CCDC3: variants seen among roughly 807,000 people sequenced by gnomAD.
CCDC3 encodes coiled-coil domain-containing protein 3.
A neutral mutation model predicts 21.4 loss-of-function variants in CCDC3; 24 were observed. The ratio of observed to expected loss-of-function variants is 1.12; its 90% CI spans 0.81 to 1.58. CCDC3 has a LOEUF of 1.58. Among genes scored for constraint, CCDC3 ranks in the 40% most tolerant of loss-of-function variants. The pLI is 0.00. For synonymous variants in CCDC3, 186 were observed against 166.0 expected, an observed-to-expected ratio of 1.12 and a Z score of -0.93; for missense variants, 425 against 360.9, an observed-to-expected ratio of 1.18 and a Z score of -1.44.
intron 5 of CCDC3, among the ~76,000 whole-genome samples, chr10:13,026,181 AAAAT>A (rs1169310621): frequency 6.6e-6 from 1 of 152,116 alleles, no homozygotes; most frequent in Non-Finnish European, 1.5e-5. Flanking sequence ...CTCTGTCTCA[AAAAT>A]AAATAAAAAT....
At chr10:13,015,260 T>C (rs17152660) in intron 5 of CCDC3, among the ~76,000 whole-genome samples, 10,817 of 152,172 alleles carry the variant, frequency 0.071, 479 homozygotes, top group East Asian at 0.12. Flanking sequence ...TCTATCCTAC[T>C]AGACTATATT....
At chr10:12,904,624 C>G (rs1834144191) in intron 2 of CCDC3, among the ~76,000 whole-genome samples, 1 of 151,982 alleles carries the variant, frequency 6.6e-6, no homozygotes, top group Admixed American at 6.6e-5. Flanking sequence ...TTTGGGTCAC[C>G]TGTCTCCAGT....
chr10:12,962,771 C>A (rs567803127), intron 2 of CCDC3, among the ~76,000 whole-genome samples: 7 of 152,066 alleles, frequency 4.6e-5, no homozygotes, highest in Non-Finnish European at 1.0e-4. Flanking sequence ...GAAAAACACT[C>A]AAAAATCATT....
At chr10:13,049,504 G>A (rs1276699330) in intron 5 of CCDC3, among the ~76,000 whole-genome samples, 3 of 152,176 alleles carry the variant, frequency 2.0e-5, no homozygotes, top group African/African-American at 7.2e-5. Flanking sequence ...ATTTGTATGA[G>A]GCTCCACAAA....
In CCDC3 at chr10:12,947,092, C is replaced by T. The variant is rs191545042; in HGVS notation, c.550-48413G>A. ...TCTGTCTCCTTAGTTTTTTGGAGTG[C>T]CTGATGTAGTTTCAAAGTAATGTAA... is the stretch of plus-strand genomic sequence containing the variant. On this transcript the variant is annotated intron_variant, in intron 2 of 2. Coordinates refer to ENST00000378825, the MANE Select transcript of CCDC3 (RefSeq NM_031455.4). Among the ~76,000 whole-genome samples, 16 of 152,054 alleles carry T rather than the reference C, an allele frequency of 1.1e-4. No homozygotes were observed. The East Asian group carries it at 2.9e-3, about 28-fold the overall frequency.
intron 4 of CCDC3, among the ~76,000 whole-genome samples, chr10:13,061,478 T>G (rs1836757288): frequency 6.6e-6 from 1 of 152,182 alleles, no homozygotes; most frequent in Non-Finnish European, 1.5e-5. Context: ...CTGAAGATAT[T>G]TATTCTGAGC....
chr10:13,045,760 G>A (rs1836517025), intron 5 of CCDC3, among the ~76,000 whole-genome samples: 1 of 152,098 alleles, frequency 6.6e-6, no homozygotes, highest in Non-Finnish European at 1.5e-5. Flanking sequence ...TGTTGCTACT[G>A]CTACCGTAAG....
intron 5 of CCDC3, among the ~76,000 whole-genome samples, chr10:13,040,394 G>A (rs990044857): frequency 1.3e-4 from 20 of 152,294 alleles, no homozygotes; most frequent in Middle Eastern, 3.4e-3. Flanking sequence ...AACCAGCAAC[G>A]TGAGTCATCC....
At chr10:12,998,160 T>C (rs113047327) in intron 2 of CCDC3, among the ~76,000 whole-genome samples, 178 bp downstream of exon 2, 72 of 152,308 alleles carry the variant, frequency 4.7e-4, no homozygotes, top group Middle Eastern at 3.4e-3. Context: ...AGTTTATGAA[T>C]GGTCTTTTTT....
intron 5 of CCDC3, among the ~76,000 whole-genome samples, chr10:13,045,692 C>T (rs1564331394): frequency 6.6e-6 from 1 of 152,122 alleles, no homozygotes; most frequent in African/African-American, 2.4e-5. Flanking sequence ...ATTCTTCATT[C>T]CACTTCTTAC....
At chr10:12,902,241 ACT>A (rs1437350392) in intron 2 of CCDC3, among the ~76,000 whole-genome samples, 1 of 152,078 alleles carries the variant, frequency 6.6e-6, no homozygotes, top group Non-Finnish European at 1.5e-5. Context: ...TTAATGAGAA[ACT>A]CTGGGCTCCC....
At chr10:13,072,869 T>TTC (rs1491196777) in intron 4 of CCDC3, among the ~76,000 whole-genome samples, 1 of 19,450 alleles carries the variant, frequency 5.1e-5, no homozygotes, top group African/African-American at 4.4e-4. Flanking sequence ...TTTTCTTTCT[T>TTC]TTTTTTTTTT....
chr10:13,025,111 G>C (rs965583896), intron 5 of CCDC3, among the ~76,000 whole-genome samples: 5 of 152,130 alleles, frequency 3.3e-5, no homozygotes, highest in African/African-American at 1.2e-4. Flanking sequence ...TTGACCAGGG[G>C]GTTATTACAC....
At chr10:13,073,333 T>C (rs1372678424) in intron 4 of CCDC3, among the ~76,000 whole-genome samples, 1 of 151,794 alleles carries the variant, frequency 6.6e-6, no homozygotes, top group Non-Finnish European at 1.5e-5. Context: ...CTTCTTGGAA[T>C]GTCTCAGGAC....
chr10:13,045,870 C>T (rs1392265122), intron 5 of CCDC3, among the ~76,000 whole-genome samples: 2 of 150,798 alleles, frequency 1.3e-5, no homozygotes, highest in East Asian at 4.0e-4. Context: ...ATGGGGGGAT[C>T]ATGAGGTCAA....
chr10:12,964,382 A>AG (rs1835227781), intron 2 of CCDC3, among the ~76,000 whole-genome samples: 2 of 151,380 alleles, frequency 1.3e-5, no homozygotes, highest in South Asian at 4.2e-4. Context: ...TAAAGAAAAA[A>AG]AAAAAGAGAG....
chr10:13,067,448 A>G (rs1836834882), intron 4 of CCDC3, among the ~76,000 whole-genome samples: 1 of 151,096 alleles, frequency 6.6e-6, no homozygotes, highest in Non-Finnish European at 1.5e-5. Context: ...ATCACTGTTT[A>G]TATTCTCTGT....
intron 2 of CCDC3, among the ~76,000 whole-genome samples, chr10:12,981,860 C>A (rs1835502435): frequency 6.6e-6 from 1 of 151,962 alleles, no homozygotes; most frequent in Non-Finnish European, 1.5e-5. Flanking sequence ...CACGGTGGCT[C>A]ACCCCTGTAA....
At chr10:13,019,897 G>A (rs1836123212) in intron 5 of CCDC3, among the ~76,000 whole-genome samples, 1 of 152,202 alleles carries the variant, frequency 6.6e-6, no homozygotes, top group Non-Finnish European at 1.5e-5. Flanking sequence ...TCAGGAGGCT[G>A]AGGCAGAAGA....
Sources: allele counts gnomAD v4.1 joint callset (sites outside exome capture counted in the v4.1 genomes callset), GRCh38; gene constraint gnomAD v4.1.1; transcripts MANE v1.5; gene names NCBI Gene and HGNC (gene_info 2026-07-23, HGNC 2026-07-21).